KDM2B: variants seen among roughly 807,000 people sequenced by gnomAD.
The protein encoded by KDM2B is lysine demethylase 2B.
A neutral mutation model predicts 150.0 loss-of-function variants in KDM2B; 26 were observed. That is an observed-to-expected ratio of 0.17 (90% CI 0.13 to 0.24). The LOEUF is 0.24. Ranked by LOEUF, KDM2B falls within the 10% of genes least tolerant of loss-of-function variation. KDM2B has a pLI of 1.00. For synonymous variants in KDM2B, 734 were observed against 729.5 expected, an observed-to-expected ratio of 1.01 and a Z score of -0.10; for missense variants, 1,265 against 1,816.9, an observed-to-expected ratio of 0.70 and a Z score of 5.52.
At chr12:121,440,731 C>G in intron 21 of KDM2B, 85 bp downstream of exon 21, 1 of 1,299,418 alleles carries the variant, frequency 7.7e-7, no homozygotes, top group African/African-American at 1.5e-5. Flanking sequence ...CTTTGGGGAA[C>G]AGCTGGGGTC....
At chr12:121,478,866 T>TTGTTTGTTTTTGTGTG (rs61509046) in intron 12 of KDM2B, among the ~76,000 whole-genome samples, 1 of 131,132 alleles carries the variant, frequency 7.6e-6, no homozygotes, top group East Asian at 2.4e-4. Flanking sequence ...TTTTGTTTGT[T>TTGTTTGTTTTTGTGTG]TGTGTGTGTG....
chr12:121,437,916 G>C (rs1165741564), intron 22 of KDM2B, among the ~76,000 whole-genome samples: 1 of 150,950 alleles, frequency 6.6e-6, no homozygotes, highest in Non-Finnish European at 1.5e-5. Flanking sequence ...AAATCTAGAA[G>C]AGTTTAGGTA....
chr12:121,444,171 G>C lies in KDM2B; in HGVS notation c.2292C>G (p.Ala764=). 1.2e-6 allele frequency: 2 copies of C among 1,612,688 alleles called. No individual in the cohort carries two copies. Among genetic ancestry groups the C allele is most frequent in the East Asian group, 2.2e-5 (1 of 44,892 alleles). The change falls in exon 16 of 23, where the codon GCC becomes GCG. Residue 764 remains alanine (A), a synonymous_variant. Coordinates refer to ENST00000377071, the MANE Select transcript of KDM2B (RefSeq NM_032590.5). The part of the protein sequence containing the change: ...NRDNKEGQEP[A]KRRSECEEAP... ...CCTCCTCACACTCACTCCTCCGCTT[G>C]GCAGGTTCCTGCCCTTCCTTGTTGT...
At chr12:121,576,831 G>A (rs1349609688) in intron 2 of KDM2B, among the ~76,000 whole-genome samples, 1 of 152,184 alleles carries the variant, frequency 6.6e-6, no homozygotes, top group Non-Finnish European at 1.5e-5. Context: ...AGAAGAAGAG[G>A]CCTCAGGCCA....
At position 121,442,567 on chromosome 12, in the gene KDM2B, G is replaced by C. The variant is rs1555288743; in HGVS notation, c.2874C>G (p.Ile958Met). The C allele has an allele frequency of 6.2e-7, 1 of 1,600,642 alleles. No homozygotes were observed. Among genetic ancestry groups the C allele is most frequent in the Non-Finnish European group, 8.5e-7 (1 of 1,179,890 alleles). Residue 958 changes from isoleucine (I) to methionine (M), a missense_variant, in exon 19 of 23, where the codon ATC becomes ATG. Ile to Met is a conservative substitution (Grantham distance 10). Transcript: ENST00000377071. The surrounding 1 kb of genome is among the most constrained non-coding windows in gnomAD (Gnocchi z 7.7). ...TGGCCAGGCTGTTCTCCGTCCTCTG[G>C]ATCTCGTGGTTGAGCTCCTTGCTCA... Reference protein sequence around the residue: ...RELSKELNHEIQRTENSLANE... With the variant: ...RELSKELNHEMQRTENSLANE...
At chr12:121,567,361 GA>G (rs782700084) in intron 4 of KDM2B, among the ~76,000 whole-genome samples, 33 of 152,320 alleles carry the variant, frequency 2.2e-4, no homozygotes, top group African/African-American at 7.5e-4. Flanking sequence ...GTAATTAAGT[GA>G]AAATGACATC....
intron 12 of KDM2B, among the ~76,000 whole-genome samples, chr12:121,491,496 A>T (rs1394900873): frequency 5.3e-5 from 8 of 152,074 alleles, no homozygotes; most frequent in African/African-American, 1.7e-4. Context: ...CCTTATTTTT[A>T]AAATATTTAT....
Position 121,520,887 on chromosome 12 carries a change from A to C in KDM2B, c.1047+98T>G. 1.7e-6 allele frequency: 1 copy of C among 579,630 alleles called. No homozygotes were observed. The highest frequency in any genetic ancestry group is 2.9e-6 in the Non-Finnish European group (1 of 345,180). The allele number at this position is 579,630 out of a possible 1,614,324, so 35.9% of individuals were successfully genotyped here. On this transcript the variant is annotated intron_variant, in intron 9 of 22. Transcript: ENST00000377071. The surrounding 1 kb of genome is among the most constrained non-coding windows in gnomAD (Gnocchi z 4.5). ...AGAGAGGAATCGGGAGGGAGAGGGG[A>C]ACTGTGGAGGACTTCAGTATGACCT...
the KDM2B span, chr12:121,424,021 T>A: frequency 1.9e-5 from 3 of 155,628 alleles, no homozygotes; most frequent in African/African-American, 7.2e-5. Context: ...CTCCTCTGAA[T>A]GTTCACTTTA....
In KDM2B at chr12:121,549,989, A is replaced by G. The variant is rs1218667192; in HGVS notation, c.398-351T>C. Among the ~76,000 whole-genome samples, 1 of 152,146 alleles carries G rather than the reference A, an allele frequency of 6.6e-6. No homozygotes were observed. Among genetic ancestry groups the G allele is most frequent in the Non-Finnish European group, 1.5e-5 (1 of 68,024 alleles). On this transcript the variant is annotated intron_variant, in intron 4 of 22. Transcript: ENST00000377071. The surrounding 1 kb of genome is among the most constrained non-coding windows in gnomAD (Gnocchi z 4.4). ...TCAGGAGTTTGAGACCAGCCTGGCC[A>G]ACATGGTGAAACCCTGTATCTACTA...
the KDM2B span, chr12:121,415,317 A>C: frequency 7.9e-6 from 3 of 377,904 alleles, no homozygotes; most frequent in African/African-American, 6.1e-5. Context: ...GGTTTAAGGA[A>C]ATGAAGTAAT....
chr12:121,545,624 C>T (rs556357591), intron 6 of KDM2B, among the ~76,000 whole-genome samples: 23 of 152,292 alleles, frequency 1.5e-4, no homozygotes, highest in African/African-American at 5.5e-4. Context: ...TCAGCCCCTC[C>T]GCTCTCCCTG....
intron 4 of KDM2B, among the ~76,000 whole-genome samples, chr12:121,556,295 C>T (rs1555312694): frequency 6.6e-6 from 1 of 152,128 alleles, no homozygotes; most frequent in East Asian, 1.9e-4. Context: ...GAACATGGCT[C>T]ACTGTAGCCT....
chr12:121,533,981 A>C lies in KDM2B; in HGVS notation c.777+516T>G, dbSNP rs1412764085. Among the ~76,000 whole-genome samples, 5 of 152,208 alleles carry C rather than the reference A, an allele frequency of 3.3e-5. No individual in the cohort carries two copies. Among genetic ancestry groups the C allele is most frequent in the Non-Finnish European group, 7.3e-5 (5 of 68,030 alleles). ...CTTGAGCCCAGGAGGTGGAGGCTAC[A>C]GCGAGCTGTGATTTCGCCACTGCAC... On this transcript the variant is annotated intron_variant, in intron 7 of 22. Coordinates refer to ENST00000377071, the MANE Select transcript of KDM2B (RefSeq NM_032590.5). The surrounding 1 kb of genome is among the most constrained non-coding windows in gnomAD (Gnocchi z 4.1).
intron 17 of KDM2B, 33 bp from the exon 18 acceptor site, chr12:121,443,063 T>A (rs1170125295): frequency 1.3e-6 from 2 of 1,591,660 alleles, no homozygotes; most frequent in Non-Finnish European, 1.7e-6. Flanking sequence ...CAGAGCTTGC[T>A]CCCCGGGCTC....
intron 4 of KDM2B, among the ~76,000 whole-genome samples, chr12:121,553,452 C>T (rs782066785): frequency 2.0e-5 from 3 of 152,130 alleles, no homozygotes; most frequent in Non-Finnish European, 4.4e-5. Context: ...AGCTCAGCTA[C>T]CCCTACCCAC....
intron 4 of KDM2B, among the ~76,000 whole-genome samples, chr12:121,551,286 G>A (rs1312789070): frequency 1.3e-5 from 2 of 151,970 alleles, no homozygotes; most frequent in African/African-American, 4.8e-5. Context: ...GAGGTGGGAG[G>A]ATGGTGCTTG....
intron 4 of KDM2B, among the ~76,000 whole-genome samples, chr12:121,552,676 T>TAAA (rs5801436): frequency 6.8e-5 from 9 of 131,824 alleles, no homozygotes; most frequent in African/African-American, 1.4e-4. Context: ...CTGTCTTAAT[T>TAAA]AAAAAAAAAA....
chr12:121,511,639 G>A (rs782146612), intron 10 of KDM2B, among the ~76,000 whole-genome samples: 7 of 152,180 alleles, frequency 4.6e-5, no homozygotes, highest in Non-Finnish European at 8.8e-5. Flanking sequence ...TTCTTTTTGC[G>A]GTGATGAAAA....
Sources: gnomAD v4.1 joint callset for allele counts (sites outside exome capture counted in the v4.1 genomes callset) on GRCh38, gnomAD v4.1.1 for gene constraint, Gnocchi (gnomAD v3.1) non-coding constraint, MANE v1.5 for transcripts, NCBI Gene and HGNC (gene_info 2026-07-23, HGNC 2026-07-21) for gene names.